ACYP2: variants seen among roughly 807,000 people sequenced by gnomAD.
ACYP2 encodes the protein acylphosphatase 2.
In ACYP2, 12 loss-of-function variants were observed where a neutral mutation model predicts 11.2. The observed-to-expected ratio is 1.08, with a 90% confidence interval of 0.69 to 1.74. The LOEUF (loss-of-function observed/expected upper bound fraction) is 1.74, where lower values mean the gene tolerates loss of function less well. Among genes scored for constraint, ACYP2 ranks in the 40% most tolerant of loss-of-function variants. The pLI is 0.00. For synonymous variants in ACYP2, 43 were observed against 32.2 expected, an observed-to-expected ratio of 1.33 and a Z score of -1.13; for missense variants, 134 against 101.9, an observed-to-expected ratio of 1.31 and a Z score of -1.35.
At chr2:54,089,966 T>C (rs373526833) in intron 4 of ACYP2, among the ~76,000 whole-genome samples, 1 of 151,570 alleles carries the variant, frequency 6.6e-6, no homozygotes, top group African/African-American at 2.4e-5. Context: ...GCTAAGATGG[T>C]GAAACCTCGT....
At chr2:54,106,303 A>G (rs1402546299) in intron 4 of ACYP2, among the ~76,000 whole-genome samples, 2 of 149,436 alleles carry the variant, frequency 1.3e-5, no homozygotes, top group African/African-American at 4.9e-5. Flanking sequence ...GCCTCAAGTG[A>G]TCCTCCCGCC....
intron 6 of ACYP2, among the ~76,000 whole-genome samples, chr2:54,266,586 CTATCTTTTTTTTTTTTTT>C (rs1688032596): frequency 1.0e-5 from 1 of 99,176 alleles, no homozygotes; most frequent in African/African-American, 3.9e-5. Flanking sequence ...AGATATCTAT[CTATCTTTTTTTTTTTTTT>C]TTTTTTTTTT....
chr2:54,106,212 C>G (rs1024558854), intron 4 of ACYP2, among the ~76,000 whole-genome samples: 1 of 152,036 alleles, frequency 6.6e-6, no homozygotes, highest in African/African-American at 2.4e-5. Context: ...TATTATCAAC[C>G]TTTTAAAGGT....
At chr2:54,124,998 C>T (rs1680395453) in intron 4 of ACYP2, among the ~76,000 whole-genome samples, 1 of 152,210 alleles carries the variant, frequency 6.6e-6, no homozygotes, top group South Asian at 2.1e-4. Context: ...AGCAATTCAT[C>T]TGCCTTGTCT....
chr2:54,208,665 G>T (rs1685197275), intron 6 of ACYP2, among the ~76,000 whole-genome samples: 1 of 151,332 alleles, frequency 6.6e-6, no homozygotes, highest in South Asian at 2.1e-4. Flanking sequence ...TAGACAGCCT[G>T]CTGATAAGAA....
At chr2:54,182,702 A>G (rs1683797097) in intron 6 of ACYP2, among the ~76,000 whole-genome samples, 1 of 152,222 alleles carries the variant, frequency 6.6e-6, no homozygotes, top group South Asian at 2.1e-4. Flanking sequence ...CTGGAGGGGT[A>G]AAGCAGAGTC....
chr2:54,018,599 G>A (rs1403107131), intron 2 of ACYP2, among the ~76,000 whole-genome samples: 5 of 152,038 alleles, frequency 3.3e-5, no homozygotes, highest in Non-Finnish European at 5.9e-5. Flanking sequence ...AATCAGTTGA[G>A]GTTAAGAGTT....
At chr2:54,028,140 G>A (rs1182986133) in intron 2 of ACYP2, among the ~76,000 whole-genome samples, 2 of 152,082 alleles carry the variant, frequency 1.3e-5, no homozygotes, top group African/African-American at 4.8e-5. Context: ...ACCGTGCCTG[G>A]CCTTAGTCAT....
At chr2:54,259,438 A>G (rs1227193062) in intron 6 of ACYP2, among the ~76,000 whole-genome samples, 2 of 152,226 alleles carry the variant, frequency 1.3e-5, no homozygotes, top group African/African-American at 2.4e-5. Context: ...AGGTCAAGAA[A>G]AAGAGGAAAA....
chr2:54,145,401 G>A (rs1358219473), intron 6 of ACYP2, among the ~76,000 whole-genome samples: 1 of 152,130 alleles, frequency 6.6e-6, no homozygotes, highest in East Asian at 1.9e-4. Context: ...AACAGGCTGG[G>A]GCAAGCAGTC....
intron 6 of ACYP2, among the ~76,000 whole-genome samples, chr2:54,183,139 T>C (rs908817829): frequency 6.6e-6 from 1 of 152,192 alleles, no homozygotes; most frequent in Non-Finnish European, 1.5e-5. Flanking sequence ...TAACTAAACC[T>C]TTCATGACTT....
At chr2:54,170,310 GC>G (rs1250017601) in intron 6 of ACYP2, among the ~76,000 whole-genome samples, 2 of 152,032 alleles carry the variant, frequency 1.3e-5, no homozygotes, top group Non-Finnish European at 2.9e-5. Flanking sequence ...GTGTCACCAT[GC>G]CTGGCTCATT....
chr2:54,198,039 A>ATTGTATTGTATTGTATTGTATTGT (rs1572920883), intron 6 of ACYP2, among the ~76,000 whole-genome samples: 1 of 148,184 alleles, frequency 6.7e-6, no homozygotes, highest in South Asian at 2.1e-4. Context: ...ATTGTATTTT[A>ATTGTATTGTATTGTATTGTATTGT]AGACAGTTTC....
chr2:53,976,139 C>A (rs931968782), intron 2 of ACYP2, among the ~76,000 whole-genome samples: 1 of 152,196 alleles, frequency 6.6e-6, no homozygotes, highest in Admixed American at 6.5e-5. Context: ...TCTTAGTTTT[C>A]TCTGTATATA....
chr2:54,101,184 A>T (rs571890522), intron 4 of ACYP2, among the ~76,000 whole-genome samples: 2 of 152,222 alleles, frequency 1.3e-5, no homozygotes, highest in African/African-American at 2.4e-5. Context: ...GTAGGGAAGA[A>T]CCCTTGATCA....
chr2:54,183,778 A>T (rs1185457515), intron 6 of ACYP2, among the ~76,000 whole-genome samples: 1 of 152,184 alleles, frequency 6.6e-6, no homozygotes, highest in Admixed American at 6.5e-5. Context: ...AATGTATTTA[A>T]TCTGAACATT....
intron 6 of ACYP2, among the ~76,000 whole-genome samples, chr2:54,274,058 A>G (rs1688436446): frequency 6.6e-6 from 1 of 152,216 alleles, no homozygotes; most frequent in Non-Finnish European, 1.5e-5. Flanking sequence ...TGATAAAGAC[A>G]TACCTGAGAC....
intron 6 of ACYP2, among the ~76,000 whole-genome samples, chr2:54,277,290 G>A (rs1189322728): frequency 6.6e-6 from 1 of 152,152 alleles, no homozygotes; most frequent in Non-Finnish European, 1.5e-5. Context: ...TCCCTCCTAG[G>A]AGACAGCTAC....
chr2:54,007,194 A>G (rs1360167856), intron 2 of ACYP2, among the ~76,000 whole-genome samples: 1 of 146,728 alleles, frequency 6.8e-6, no homozygotes, highest in Non-Finnish European at 1.5e-5. Flanking sequence ...AAAGAAAAGA[A>G]ACTACGCCTA....
Sources: gnomAD v4.1 joint callset for allele counts (sites outside exome capture counted in the v4.1 genomes callset) on GRCh38, gnomAD v4.1.1 for gene constraint, MANE v1.5 for transcripts, NCBI Gene and HGNC (gene_info 2026-07-23, HGNC 2026-07-21) for gene names.